Variants in CAMLG observed in about 807,000 individuals in gnomAD.
CAMLG encodes the protein guided entry of tail-anchored proteins factor CAMLG.
A neutral mutation model predicts 28.9 loss-of-function variants in CAMLG; 23 were observed. That is an observed-to-expected ratio of 0.80 (90% CI 0.57 to 1.13). The LOEUF (loss-of-function observed/expected upper bound fraction) is 1.13. Among genes scored for constraint, CAMLG ranks in the 50% most tolerant of loss-of-function variants. The pLI is 0.00. For synonymous variants in CAMLG, 141 were observed against 146.5 expected (o/e 0.96, Z 0.27); for missense variants, 367 against 371.9 (o/e 0.99, Z 0.11).
At chr5:134,748,012 C>T (rs892275052) in intron 3 of CAMLG, among the ~76,000 whole-genome samples, 2 of 151,996 alleles carry the variant, frequency 1.3e-5, no homozygotes, top group Admixed American at 6.6e-5. Flanking sequence ...CAGGCATGTG[C>T]CACCACACCT....
Position 134,750,978 on chromosome 5 carries a change from T to TAA in CAMLG, c.*29_*30insAA, listed in dbSNP as rs779516864. The stretch of plus-strand genomic sequence containing the variant: ...CCTGTAGAACTGAGAAGGAGAAGCT[T>TAA]ACAAAAAAAAAAAAATCCTCTTCTA... On this transcript the variant is annotated 3_prime_UTR_variant, in exon 4 of 4. Transcript: ENST00000297156. 4.7e-6 allele frequency: 7 copies of TAA among 1,494,702 alleles called. No individual in the cohort carries two copies. The highest frequency in any genetic ancestry group is 1.3e-5 in the South Asian group (1 of 77,956). The allele number at this position is 1,494,702 out of a possible 1,614,324, so 92.6% of individuals were successfully genotyped here. A position where few individuals can be genotyped will look rare whatever the true frequency, so the allele number is the denominator to read the frequency against.
intron 1 of CAMLG, 111 bp from the exon 2 acceptor site, chr5:134,740,952 G>A (rs1264868007): frequency 1.4e-6 from 1 of 709,984 alleles, no homozygotes; most frequent in East Asian, 2.7e-5. Context: ...TATTTATTTT[G>A]ATGCAGAGGC....
At position 134,738,555 on chromosome 5, in the gene CAMLG, C is replaced by T. The variant is rs1752944604; in HGVS notation, c.-66C>T. On this transcript the variant is annotated 5_prime_UTR_variant, in exon 1 of 4. Coordinates refer to ENST00000297156, the MANE Select transcript of CAMLG (RefSeq NM_001745.4). ...CGCGCCCTGCGGCCCGGCCTCTAGT[C>T]ATCGCCCTCGCAGCGGCGGCCAACA... is the stretch of plus-strand genomic sequence containing the variant. 4.4e-6 allele frequency: 6 copies of T among 1,369,768 alleles called. No homozygotes were observed. Among genetic ancestry groups the T allele is most frequent in the Non-Finnish European group, 3.9e-6 (4 of 1,013,394 alleles). 84.9% of individuals were successfully genotyped at this position (1,369,768 alleles called of 1,614,324 possible). A position where few individuals can be genotyped will look rare whatever the true frequency, so the allele number is the denominator to read the frequency against.
At position 134,750,938 on chromosome 5, in the gene CAMLG, T is replaced by G. The variant is rs769810043; in HGVS notation, c.879T>G (p.Ser293=). The G allele has an allele frequency of 2.4e-5, 38 of 1,611,032 alleles. No homozygotes were observed. In the South Asian group the frequency reaches 4.1e-4, roughly 17 times the overall value. The part of the protein sequence containing the change: ...FCHELLDYWG[S]EVP ...ATGAACTGCTTGATTATTGGGGCTC[T>G]GAAGTACCATGAAGCCTGTAGAACT... The change falls in exon 4 of 4, where the codon TCT becomes TCG. Residue 293 remains serine, a synonymous_variant. Coordinates refer to ENST00000297156, the MANE Select transcript of CAMLG (RefSeq NM_001745.4).
intron 2 of CAMLG, among the ~76,000 whole-genome samples, chr5:134,741,902 C>T (rs563004366): frequency 9.2e-5 from 14 of 152,176 alleles, no homozygotes; most frequent in Middle Eastern, 3.4e-3. Context: ...GCCAGGATAA[C>T]GGCACTGCAC....
chr5:134,738,799 G>A lies in CAMLG; in HGVS notation c.172+7G>A, dbSNP rs367920569. The A allele has an allele frequency of 3.1e-6, 5 of 1,613,672 alleles. No homozygotes were observed. In the African/African-American group the frequency reaches 4.0e-5, roughly 13 times the overall value. ...AGGCCCGGGAGCGGCGCGGGTAAGA[G>A]CCTCGATTTCCCCTCAGTCTCCCGC... On this transcript the variant is annotated splice_region_variant and intron_variant, in intron 1 of 3. Coordinates refer to ENST00000297156, the MANE Select transcript of CAMLG (RefSeq NM_001745.4).
intron 3 of CAMLG, among the ~76,000 whole-genome samples, chr5:134,744,481 G>A (rs957284952): frequency 2.1e-5 from 3 of 143,092 alleles, no homozygotes; most frequent in African/African-American, 5.4e-5. Flanking sequence ...CCAAGATTGC[G>A]CCACTGCACT....
rs367920569 is a variant in CAMLG, at chr5:134,738,799, G to T, written c.172+7G>T. ...AGGCCCGGGAGCGGCGCGGGTAAGA[G>T]CCTCGATTTCCCCTCAGTCTCCCGC... On this transcript the variant is annotated splice_region_variant and intron_variant, in intron 1 of 3. Transcript: ENST00000297156. The T allele has an allele frequency of 1.2e-6, 2 of 1,613,790 alleles. No individual in the cohort carries two copies. The highest frequency in any genetic ancestry group is 2.7e-5 in the African/African-American group (2 of 75,040).
In CAMLG at chr5:134,750,907, T is replaced by G. The variant is rs747451045; in HGVS notation, c.848T>G (p.Phe283Cys). 5.9e-5 allele frequency: 96 copies of G among 1,613,908 alleles called. No individual in the cohort carries two copies. Among genetic ancestry groups the G allele is most frequent in the Non-Finnish European group, 8.1e-5 (95 of 1,179,990 alleles). ...DLCVYFFTFI[F>C]CHELLDYWGS... The stretch of plus-strand genomic sequence containing the variant: ...TGTGTCTACTTTTTCACTTTTATCT[T>G]TTGTCATGAACTGCTTGATTATTGG... Residue 283 changes from phenylalanine to cysteine, a missense_variant, in exon 4 of 4, where the codon TTT becomes TGT. Coordinates refer to ENST00000297156, the MANE Select transcript of CAMLG (RefSeq NM_001745.4).
At chr5:134,744,497 A>G (rs1753022228) in intron 3 of CAMLG, among the ~76,000 whole-genome samples, 1 of 147,722 alleles carries the variant, frequency 6.8e-6, no homozygotes. Context: ...GCACTGCTCC[A>G]GTCTGGGTGA....
At chr5:134,746,156 AAAT>A in intron 3 of CAMLG, among the ~76,000 whole-genome samples, 1 of 151,500 alleles carries the variant, frequency 6.6e-6, no homozygotes, top group Non-Finnish European at 1.5e-5. Context: ...AAAAAAAAAA[AAAT>A]TATAACGTAT....
chr5:134,743,965 AT>A, intron 2 of CAMLG, 21 bp from the exon 3 acceptor site: 1 of 1,133,406 alleles, frequency 8.8e-7, no homozygotes, highest in Non-Finnish European at 1.3e-6. Context: ...GAAATATTTA[AT>A]TTTATCTTCT....
At chr5:134,744,577 C>T (rs1753023919) in intron 3 of CAMLG, among the ~76,000 whole-genome samples, 1 of 148,972 alleles carries the variant, frequency 6.7e-6, no homozygotes, top group Admixed American at 6.7e-5. Context: ...AGCAATTTGA[C>T]ATTGCCATAA....
At chr5:134,739,942 C>G (rs1752963322) in intron 1 of CAMLG, among the ~76,000 whole-genome samples, 1 of 152,138 alleles carries the variant, frequency 6.6e-6, no homozygotes, top group African/African-American at 2.4e-5. Flanking sequence ...GTGGCATGAT[C>G]ATAGCTTACT....
chr5:134,742,625 G>A (rs1752998864), intron 2 of CAMLG, among the ~76,000 whole-genome samples: 1 of 152,118 alleles, frequency 6.6e-6, no homozygotes, highest in African/African-American at 2.4e-5. Context: ...GAAAAGCATA[G>A]CTCATAGTTC....
rs2150120227 is a variant in CAMLG at position 134,738,767 on chromosome 5, C to T, written c.147C>T (p.Gly49=). 6.2e-7 allele frequency: 1 copy of T among 1,614,074 alleles called. No homozygotes were observed. The highest frequency in any genetic ancestry group is 8.5e-7 in the Non-Finnish European group (1 of 1,180,008). The change falls in exon 1 of 4, where the codon GGC becomes GGT. Residue 49 remains glycine, a synonymous_variant. Transcript: ENST00000297156. ...AACAGCGCATCAACCGGATCATGGGCTTTCACAGGCCCGGGAGCGGCGCGG... is the reference window on the plus strand; with the variant it reads ...AACAGCGCATCAACCGGATCATGGGTTTTCACAGGCCCGGGAGCGGCGCGG... The part of the protein sequence containing the change: ...NSEQRINRIM[G]FHRPGSGAEE...
At chr5:134,749,774 G>A (rs1753091870) in intron 3 of CAMLG, among the ~76,000 whole-genome samples, 2 of 152,116 alleles carry the variant, frequency 1.3e-5, no homozygotes, top group African/African-American at 2.4e-5. Context: ...GCTGGAGTGC[G>A]GTGGTGCAGT....
chr5:134,741,064 A>G lies in CAMLG; in HGVS notation c.174A>G (p.Glu58=). The G allele has an allele frequency of 6.2e-7, 1 of 1,604,594 alleles. No homozygotes were observed. Among genetic ancestry groups the G allele is most frequent in the Non-Finnish European group, 8.5e-7 (1 of 1,171,764 alleles). ...AGGCTTTTACATTTCTTTTCTCAGA[A>G]GAAGAAAGTCAAACAAAATCAAAGC... ...MGFHRPGSGA[E]EESQTKSKQQ... is the part of the protein sequence containing the mutation. Residue 58 remains glutamate, a splice_region_variant and synonymous_variant, in exon 2 of 4, where the codon GAA becomes GAG. Coordinates refer to ENST00000297156, the MANE Select transcript of CAMLG (RefSeq NM_001745.4).
intron 1 of CAMLG, 150 bp from the exon 2 acceptor site, chr5:134,740,913 C>A (rs1210259459): frequency 1.6e-6 from 1 of 635,876 alleles, no homozygotes; most frequent in African/African-American, 1.8e-5. Context: ...TGGCCGAAAC[C>A]AGCTTTTCTT....
Sources: gnomAD v4.1 joint callset for allele counts (sites outside exome capture counted in the v4.1 genomes callset) on GRCh38, gnomAD v4.1.1 for gene constraint, MANE v1.5 for transcripts, NCBI Gene and HGNC (gene_info 2026-07-23, HGNC 2026-07-21) for gene names.